The following FGD6 variants were observed in gnomAD, a reference collection of about 807,000 sequenced individuals.
The protein encoded by FGD6 is FYVE, RhoGEF and PH domain containing 6, also known as FYVE, RhoGEF and PH domain-containing protein 6.
FGD6 carries 90 observed loss-of-function variants against 149.4 expected under a neutral mutation model. The observed-to-expected ratio is 0.60, with a 90% CI of 0.51 to 0.72. The LOEUF (loss-of-function observed/expected upper bound fraction) is 0.72. FGD6 is among the 30% of genes least tolerant of loss of function. The probability of loss-of-function intolerance (pLI) is 0.00; values close to 1 mark genes in which losing one functional copy is unlikely to be tolerated. For synonymous variants in FGD6, 527 were observed against 584.0 expected (o/e 0.90, Z 1.41); for missense variants, 1,437 against 1,684.8 (o/e 0.85, Z 2.57).
intron 8 of FGD6, among the ~76,000 whole-genome samples, chr12:95,121,303 T>C (rs926189226): frequency 4.0e-5 from 6 of 151,426 alleles, no homozygotes; most frequent in African/African-American, 1.5e-4. Flanking sequence ...TAGCCGGGCA[T>C]GGCGGCAGGC....
At chr12:95,098,068 C>A (rs1473545608) in intron 14 of FGD6, among the ~76,000 whole-genome samples, 1 of 152,032 alleles carries the variant, frequency 6.6e-6, no homozygotes, top group Non-Finnish European at 1.5e-5. Context: ...TGTCTCTGGC[C>A]CCTACTTCCC....
intron 5 of FGD6, among the ~76,000 whole-genome samples, chr12:95,152,157 C>G (rs912845859): frequency 3.3e-5 from 5 of 152,004 alleles, no homozygotes; most frequent in African/African-American, 1.2e-4. Flanking sequence ...GAAACCCCAT[C>G]TCTACAAAAA....
At chr12:95,146,177 A>G (rs898010060) in intron 5 of FGD6, among the ~76,000 whole-genome samples, 15 of 152,178 alleles carry the variant, frequency 9.9e-5, no homozygotes, top group Admixed American at 2.6e-4. Flanking sequence ...AGATGTAACT[A>G]ATTCACACAG....
intron 1 of FGD6, among the ~76,000 whole-genome samples, chr12:95,216,762 G>A (rs1181097014): frequency 1.3e-5 from 2 of 150,062 alleles, no homozygotes; most frequent in East Asian, 2.0e-4. Flanking sequence ...CAATGTCTAC[G>A]CCTCTTTAAA....
At chr12:95,089,106 C>T (rs912824586) in intron 18 of FGD6, among the ~76,000 whole-genome samples, 13 of 152,162 alleles carry the variant, frequency 8.5e-5, no homozygotes, top group African/African-American at 2.7e-4. Context: ...AGCATACAGG[C>T]TATTATCACT....
chr12:95,120,116 C>T (rs370672212), intron 8 of FGD6, among the ~76,000 whole-genome samples: 7 of 151,584 alleles, frequency 4.6e-5, no homozygotes, highest in African/African-American at 1.7e-4. Context: ...GTAGTCCCAG[C>T]TACCCAGGAG....
At chr12:95,203,502 G>A (rs1015747691) in intron 2 of FGD6, among the ~76,000 whole-genome samples, 2 of 152,190 alleles carry the variant, frequency 1.3e-5, no homozygotes, top group African/African-American at 2.4e-5. Context: ...TGGTTCAAGT[G>A]TTGCCATGTA....
chr12:95,102,458 A>C (rs796937634), intron 14 of FGD6, among the ~76,000 whole-genome samples: 2 of 149,564 alleles, frequency 1.3e-5, no homozygotes, highest in East Asian at 1.9e-4. Flanking sequence ...AAAAAAAAAA[A>C]AAAAAAAAAC....
intron 3 of FGD6, among the ~76,000 whole-genome samples, chr12:95,165,824 T>A (rs10859842): frequency 0.086 from 13,049 of 151,574 alleles, 691 homozygotes; most frequent in East Asian, 0.25. Context: ...TCTGTTTTTT[T>A]TTTGTAGGCA....
At chr12:95,132,492 C>T (rs1338113831) in intron 8 of FGD6, among the ~76,000 whole-genome samples, 2 of 152,214 alleles carry the variant, frequency 1.3e-5, no homozygotes, top group African/African-American at 4.8e-5. Flanking sequence ...GTGGCTCATG[C>T]TTGTAATCCC....
chr12:95,184,887 T>A (rs1881385461), intron 2 of FGD6, among the ~76,000 whole-genome samples: 1 of 145,948 alleles, frequency 6.9e-6, no homozygotes, highest in African/African-American at 2.6e-5. Context: ...TCAGCCTTTT[T>A]TTTTGAGACG....
intron 15 of FGD6, among the ~76,000 whole-genome samples, chr12:95,094,196 G>T (rs940913442): frequency 2.0e-5 from 3 of 151,750 alleles, no homozygotes; most frequent in Non-Finnish European, 4.4e-5. Flanking sequence ...AGAAATATGG[G>T]CTATTATATT....
At chr12:95,092,642 A>G in intron 16 of FGD6, 57 bp downstream of exon 16, 2 of 1,557,964 alleles carry the variant, frequency 1.3e-6, no homozygotes, top group Non-Finnish European at 1.7e-6. Flanking sequence ...CTTCCTCACT[A>G]TGTACAGCCT....
At chr12:95,132,653 G>A (rs951401232) in intron 8 of FGD6, among the ~76,000 whole-genome samples, 4 of 152,274 alleles carry the variant, frequency 2.6e-5, no homozygotes, top group Non-Finnish European at 5.9e-5. Context: ...TCGGGAGGCT[G>A]AGGCAGGAGA....
At chr12:95,126,296 A>C in intron 8 of FGD6, 2 of 1,466,546 alleles carry the variant, frequency 1.4e-6, no homozygotes, top group Non-Finnish European at 1.9e-6. Flanking sequence ...AGAAAGCCAC[A>C]GGCCAGAAGG....
In FGD6 at chr12:95,209,302, T is replaced by C. The variant is rs994796570; in HGVS notation, c.1982A>G (p.His661Arg). The change falls in exon 2 of 21, where the codon CAC becomes CGC. Residue 661 changes from histidine (H) to arginine (R), a missense_variant. This residue lies in a region of FGD6 where 1,055 missense variants were observed against 1,146.0 expected (regional missense o/e 0.92). Coordinates refer to ENST00000343958, the MANE Select transcript of FGD6 (RefSeq NM_018351.4). ...CCCCTTCTGCTCCCCACTGGAGAGG[T>C]GGCCTGTGGTGGTGTCTCCGAGTTG... The part of the protein sequence containing the change: ...SSQLGDTTTG[H>R]LSSGEQKGIE... The C allele has an allele frequency of 6.2e-7, 1 of 1,613,934 alleles. No individual in the cohort carries two copies. The highest frequency in any genetic ancestry group is 1.7e-5 in the Admixed American group (1 of 59,962).
At position 95,137,561 on chromosome 12, in the gene FGD6, C is replaced by A; in HGVS notation, c.2955G>T (p.Lys985Asn). 2 of 1,606,062 alleles carry A rather than the reference C, an allele frequency of 1.2e-6. No homozygotes were observed. The highest frequency in any genetic ancestry group is 1.7e-6 in the Non-Finnish European group (2 of 1,177,066). ...CAACAGCAGCAAAACCTGGATTTTTCTTGCACTGTTCATCCAGCAAGGCTA... is the reference window on the plus strand; with the variant it reads ...CAACAGCAGCAAAACCTGGATTTTTATTGCACTGTTCATCCAGCAAGGCTA... ...KNIALLDEQCKKNPGFAAVVR... is the reference protein window; with the variant it reads ...KNIALLDEQCNKNPGFAAVVR... The change falls in exon 7 of 21, where the codon AAG (lysine) becomes AAT (asparagine). Residue 985 changes from lysine (K) to asparagine (N), a missense_variant. Transcript: ENST00000343958.
At chr12:95,101,467 C>G (rs1227738203) in intron 14 of FGD6, among the ~76,000 whole-genome samples, 1 of 152,150 alleles carries the variant, frequency 6.6e-6, no homozygotes, top group Non-Finnish European at 1.5e-5. Flanking sequence ...GAAACATTCA[C>G]TATAATTTCT....
chr12:95,122,498 T>C (rs1046923021), intron 8 of FGD6, among the ~76,000 whole-genome samples: 3 of 151,006 alleles, frequency 2.0e-5, no homozygotes, highest in Non-Finnish European at 4.4e-5. Context: ...ATACAAAAAT[T>C]AGCCGGGCGT....
Sources: allele counts gnomAD v4.1 joint callset (sites outside exome capture counted in the v4.1 genomes callset), GRCh38; gene constraint gnomAD v4.1.1; regional missense constraint gnomAD v4.1.1; transcripts MANE v1.5; gene names NCBI Gene and HGNC (gene_info 2026-07-23, HGNC 2026-07-21).